Variants in CDYL2 observed in about 807,000 individuals in gnomAD.
CDYL2 encodes chromodomain Y like 2.
CDYL2 carries 23 observed loss-of-function variants against 49.4 expected under a neutral mutation model. That is an observed-to-expected ratio of 0.47 (90% CI 0.34 to 0.66). The LOEUF (loss-of-function observed/expected upper bound fraction) is 0.66. CDYL2 is among the 30% of genes least tolerant of loss of function. The pLI, the probability that CDYL2 is intolerant of heterozygous loss-of-function variation, is 0.01. For missense variants in CDYL2, 678 were observed against 656.4 expected (o/e 1.03, Z -0.36); for synonymous variants, 360 against 268.8 (o/e 1.34, Z -3.32).
chr16:80,681,750 T>C (rs1421867696), intron 2 of CDYL2, among the ~76,000 whole-genome samples: 3 of 152,322 alleles, frequency 2.0e-5, no homozygotes, highest in East Asian at 3.9e-4. Flanking sequence ...ACTCCTTCCA[T>C]GGAGCCAGCC....
chr16:80,665,178 T>C (rs1909208214), intron 2 of CDYL2, among the ~76,000 whole-genome samples: 1 of 152,174 alleles, frequency 6.6e-6, no homozygotes, highest in South Asian at 2.1e-4. Flanking sequence ...TTAATTAAAA[T>C]ATAGTTCTCA....
intron 1 of CDYL2, among the ~76,000 whole-genome samples, chr16:80,792,941 T>A (rs1458627076): frequency 2.0e-5 from 3 of 152,184 alleles, no homozygotes; most frequent in Admixed American, 2.0e-4. Flanking sequence ...ATATGGGACA[T>A]TTCTGAAGGG....
At chr16:80,703,606 T>G (rs1304473200) in intron 1 of CDYL2, among the ~76,000 whole-genome samples, 1 of 152,170 alleles carries the variant, frequency 6.6e-6, no homozygotes, top group Admixed American at 6.5e-5. Context: ...GGCCTCCCTG[T>G]GGGGTGCTCT....
intron 5 of CDYL2, among the ~76,000 whole-genome samples, chr16:80,611,656 C>A (rs550460054): frequency 6.6e-6 from 1 of 152,372 alleles, no homozygotes; most frequent in African/African-American, 2.4e-5. Context: ...AATCCCACAA[C>A]TGGCACTACC....
chr16:80,755,263 G>A (rs930444729), intron 1 of CDYL2, among the ~76,000 whole-genome samples: 17 of 152,170 alleles, frequency 1.1e-4, no homozygotes, highest in African/African-American at 3.1e-4. Context: ...GAGGAAACCT[G>A]AATCTTAGCC....
At chr16:80,748,761 C>T (rs1397429856) in intron 1 of CDYL2, among the ~76,000 whole-genome samples, 1 of 152,048 alleles carries the variant, frequency 6.6e-6, no homozygotes, top group African/African-American at 2.4e-5. Context: ...TCATCTCTAC[C>T]CCCAACTTAA....
rs184147425 is a variant in CDYL2, at chr16:80,741,167, T to C, written c.25-56038A>G. ...CAGAAACATATATATACATAATATA[T>C]ATATAACATGTACTATATAAGATGT... On this transcript the variant is annotated intron_variant, in intron 1 of 6. Coordinates refer to ENST00000570137, the MANE Select transcript of CDYL2 (RefSeq NM_152342.4). Among the ~76,000 whole-genome samples the C allele has an allele frequency of 9.3e-4, 139 of 149,968 alleles. 1 individual carries two copies. The highest frequency in any genetic ancestry group is 3.3e-3 in the African/African-American group (138 of 41,280).
chr16:80,636,966 C>A (rs1445758294), intron 2 of CDYL2, among the ~76,000 whole-genome samples: 5 of 152,140 alleles, frequency 3.3e-5, no homozygotes, highest in Non-Finnish European at 7.3e-5. Flanking sequence ...GAACGCCAAG[C>A]ACCGCATATT....
At chr16:80,719,297 T>C (rs1373486523) in intron 1 of CDYL2, among the ~76,000 whole-genome samples, 3 of 152,154 alleles carry the variant, frequency 2.0e-5, no homozygotes, top group African/African-American at 7.2e-5. Context: ...GGAATCTGTG[T>C]GGGCCTTGAG....
chr16:80,616,792 A>G (rs549667484), intron 4 of CDYL2, among the ~76,000 whole-genome samples: 1 of 152,366 alleles, frequency 6.6e-6, no homozygotes, highest in East Asian at 1.9e-4. Context: ...TATTAGTGCC[A>G]GGAATAGCCC....
intron 1 of CDYL2, among the ~76,000 whole-genome samples, chr16:80,745,989 C>T (rs1431203188): frequency 6.6e-6 from 1 of 152,218 alleles, no homozygotes; most frequent in Non-Finnish European, 1.5e-5. Context: ...ATCAGCAAGG[C>T]TGCTGCAGGC....
intron 1 of CDYL2, among the ~76,000 whole-genome samples, chr16:80,745,409 C>G (rs529044235): frequency 5.9e-5 from 9 of 152,328 alleles, no homozygotes; most frequent in African/African-American, 2.2e-4. Context: ...GTCCAGTAGA[C>G]TGGAATCAAG....
intron 1 of CDYL2, among the ~76,000 whole-genome samples, chr16:80,694,891 G>C (rs1910559191): frequency 6.6e-6 from 1 of 152,178 alleles, no homozygotes; most frequent in South Asian, 2.1e-4. Context: ...AACCCACAAT[G>C]ACGGGAATAT....
intron 2 of CDYL2, among the ~76,000 whole-genome samples, chr16:80,647,747 T>C (rs1362844068): frequency 6.6e-6 from 1 of 152,192 alleles, no homozygotes; most frequent in Non-Finnish European, 1.5e-5. Flanking sequence ...CTGTAGCACA[T>C]GGATCATTCT....
At chr16:80,755,302 G>T (rs1324403126) in intron 1 of CDYL2, among the ~76,000 whole-genome samples, 1 of 152,162 alleles carries the variant, frequency 6.6e-6, no homozygotes, top group East Asian at 1.9e-4. Flanking sequence ...TGGACATCTT[G>T]AATCCATGTA....
intron 3 of CDYL2, among the ~76,000 whole-genome samples, chr16:80,625,161 A>C (rs1170247849): frequency 6.6e-6 from 1 of 152,238 alleles, no homozygotes. Context: ...CAGATGTCTG[A>C]TGCAGGTTTA....
chr16:80,638,049 T>A (rs1043336311), intron 2 of CDYL2, among the ~76,000 whole-genome samples: 2 of 151,810 alleles, frequency 1.3e-5, no homozygotes, highest in African/African-American at 4.8e-5. Context: ...AATGGAGAAA[T>A]AATCTGTGTT....
intron 2 of CDYL2, among the ~76,000 whole-genome samples, chr16:80,681,261 G>A (rs1236670980): frequency 6.6e-6 from 1 of 152,062 alleles, no homozygotes; most frequent in African/African-American, 2.4e-5. Context: ...GCTGGGCTAA[G>A]ATGAGCCCTC....
intron 2 of CDYL2, among the ~76,000 whole-genome samples, chr16:80,665,365 A>T (rs1909217257): frequency 6.6e-6 from 1 of 152,066 alleles, no homozygotes; most frequent in Non-Finnish European, 1.5e-5. Context: ...TTCCCACAGG[A>T]ATATGAGTTG....
Sources: allele counts gnomAD v4.1 joint callset (sites outside exome capture counted in the v4.1 genomes callset), GRCh38; gene constraint gnomAD v4.1.1; transcripts MANE v1.5; gene names NCBI Gene and HGNC (gene_info 2026-07-23, HGNC 2026-07-21).